Variants in SESN3 observed in about 807,000 individuals in gnomAD.
SESN3 encodes sestrin 3.
SESN3 carries 21 observed loss-of-function variants against 55.3 expected under a neutral mutation model. The ratio of observed to expected loss-of-function variants is 0.38; its 90% confidence interval spans 0.27 to 0.55. The LOEUF (loss-of-function observed/expected upper bound fraction) is 0.55, where lower values mean the gene tolerates loss of function less well. SESN3 is among the 20% of genes least tolerant of loss of function. SESN3 has a pLI of 0.76. For synonymous variants in SESN3, 181 were observed against 203.1 expected (o/e 0.89, Z 0.93); for missense variants, 408 against 604.3 (o/e 0.68, Z 3.41).
chr11:95,198,059 T>A (rs576501292), intron 1 of SESN3, among the ~76,000 whole-genome samples: 1 of 152,156 alleles, frequency 6.6e-6, no homozygotes, highest in Non-Finnish European at 1.5e-5. Context: ...TTCACAGTTA[T>A]CTTGGACTCT....
rs1859874888 is a variant in SESN3, at chr11:95,172,808, A to G, written c.*447T>C. 6.5e-6 allele frequency: 1 copy of G among 153,202 alleles called. No homozygotes were observed. Among genetic ancestry groups the G allele is most frequent in the African/African-American group, 2.4e-5 (1 of 41,366 alleles). 9.5% of individuals were successfully genotyped at this position (153,202 alleles called of 1,614,324 possible). On this transcript the variant is annotated 3_prime_UTR_variant, in exon 10 of 10. Transcript: ENST00000536441. ...TAGGACACAACATTAAAGTTTTAGA[A>G]TGGCCAGAGAGGTCACTCTTTGCTG...
intron 1 of SESN3, among the ~76,000 whole-genome samples, chr11:95,198,607 T>G (rs1860406376): frequency 1.3e-5 from 2 of 152,208 alleles, no homozygotes; most frequent in African/African-American, 4.8e-5. Flanking sequence ...ATAAATCTTA[T>G]TTATTTCTGT....
At chr11:95,184,728 C>G in intron 5 of SESN3, 134 bp from the exon 6 acceptor site, 1 of 711,934 alleles carries the variant, frequency 1.4e-6, no homozygotes, top group South Asian at 2.2e-5. Context: ...CGGTTTTTCA[C>G]CAATTTCAAA....
chr11:95,186,871 T>C (rs1860177730), intron 4 of SESN3, among the ~76,000 whole-genome samples: 1 of 151,918 alleles, frequency 6.6e-6, no homozygotes, highest in Non-Finnish European at 1.5e-5. Flanking sequence ...GCTTTACATC[T>C]GTATGTACCT....
At chr11:95,200,728 C>T (rs1216949032) in intron 1 of SESN3, among the ~76,000 whole-genome samples, 3 of 152,030 alleles carry the variant, frequency 2.0e-5, no homozygotes, top group African/African-American at 4.8e-5. Flanking sequence ...TCAAGTCCTT[C>T]CTGCAACAGT....
chr11:95,182,351 T>G (rs1860072862), intron 6 of SESN3, among the ~76,000 whole-genome samples: 1 of 152,182 alleles, frequency 6.6e-6, no homozygotes, highest in South Asian at 2.1e-4. Flanking sequence ...CAACCTCACC[T>G]CTTCTCTCTG....
intron 1 of SESN3, among the ~76,000 whole-genome samples, chr11:95,205,528 C>T (rs1288742715): frequency 2.0e-5 from 3 of 152,070 alleles, no homozygotes; most frequent in African/African-American, 4.8e-5. Context: ...GGGTTCCTCA[C>T]AGAATTCTGA....
At position 95,184,490 on chromosome 11, in the gene SESN3, A is replaced by T. The variant is rs1172266168; in HGVS notation, c.867T>A (p.Arg289=). The part of the protein sequence containing the change: ...EEASQEEMST[R]FEKEKKESLF... ...GACTTTCTTTCTTCTCCTTTTCAAA[A>T]CGAGTGCTCATTTCTTCTTGAGACG... is the stretch of plus-strand genomic sequence containing the variant. The change falls in exon 6 of 10, where the codon CGT becomes CGA. Residue 289 remains arginine (R), a synonymous_variant. Coordinates refer to ENST00000536441, the MANE Select transcript of SESN3 (RefSeq NM_144665.4). The T allele has an allele frequency of 6.2e-7, 1 of 1,613,508 alleles. No individual in the cohort carries two copies. Among genetic ancestry groups the T allele is most frequent in the Non-Finnish European group, 8.5e-7 (1 of 1,179,760 alleles).
chr11:95,185,538 G>T, intron 4 of SESN3, 46 bp from the exon 5 acceptor site: 2 of 1,201,574 alleles, frequency 1.7e-6, no homozygotes, highest in Non-Finnish European at 2.4e-6. Context: ...ATTCTAGAAT[G>T]CTACAAAGAA....
chr11:95,213,332 G>C (rs1290347519), intron 1 of SESN3, among the ~76,000 whole-genome samples: 1 of 152,162 alleles, frequency 6.6e-6, no homozygotes, highest in Non-Finnish European at 1.5e-5. Flanking sequence ...GATGAGAGCT[G>C]ATTCAATTGA....
rs1218197497 is a variant in SESN3 at position 95,209,224 on chromosome 11, GA to G, written c.79-15703del. ...ACAAGGAACTTAAACAAATGTACAA[GA>G]AAAAAACAACCTCAACAAAAAGTGG... On this transcript the variant is annotated intron_variant, in intron 1 of 9. Coordinates refer to ENST00000536441, the MANE Select transcript of SESN3 (RefSeq NM_144665.4). 2.7e-5 allele frequency among the ~76,000 whole-genome samples: 4 copies of G among 150,808 alleles called. 1 individual carries two copies. The highest frequency in any genetic ancestry group is 5.9e-5 in the Non-Finnish European group (4 of 67,612).
intron 1 of SESN3, among the ~76,000 whole-genome samples, chr11:95,199,987 A>T (rs1860432347): frequency 6.6e-6 from 1 of 152,098 alleles, no homozygotes; most frequent in Non-Finnish European, 1.5e-5. Context: ...TCTTTTTTAA[A>T]TACACTACAA....
At chr11:95,217,099 C>G (rs1860772889) in intron 1 of SESN3, among the ~76,000 whole-genome samples, 1 of 146,268 alleles carries the variant, frequency 6.8e-6, no homozygotes, top group African/African-American at 2.5e-5. Context: ...GAGCAAGACT[C>G]TGTCTCAAAA....
In SESN3 at chr11:95,171,311, C is replaced by T. The variant is rs914619170; in HGVS notation, c.*1944G>A. 7.9e-5 allele frequency: 12 copies of T among 152,070 alleles called. No individual in the cohort carries two copies. The highest frequency in any genetic ancestry group is 1.9e-4 in the East Asian group (1 of 5,200). 9.4% of individuals were successfully genotyped at this position (152,070 alleles called of 1,614,324 possible). On this transcript the variant is annotated 3_prime_UTR_variant, in exon 10 of 10. Coordinates refer to ENST00000536441, the MANE Select transcript of SESN3 (RefSeq NM_144665.4). Reference sequence around the variant, plus strand: ...CATATGGCATATGCAATAAAACAGACGAGATATGGCACAAGTTCTCTGAAT... The same window carrying T: ...CATATGGCATATGCAATAAAACAGATGAGATATGGCACAAGTTCTCTGAAT...
rs1465615750 is a variant in SESN3 at position 95,224,319 on chromosome 11, A to C, written c.78+6464T>G. 5 of 302,770 alleles carry C rather than the reference A, an allele frequency of 1.7e-5. No homozygotes were observed. In the Admixed American group the frequency reaches 1.9e-4, roughly 12 times the overall value. 18.8% of individuals were successfully genotyped at this position (302,770 alleles called of 1,614,324 possible). Reference sequence around the variant, plus strand: ...ATCCACTTGTACATTTTGCGGTTTAAATGGATTTTACCCATATATGATTCT... The same window carrying C: ...ATCCACTTGTACATTTTGCGGTTTACATGGATTTTACCCATATATGATTCT... On this transcript the variant is annotated intron_variant, in intron 1 of 9. Coordinates refer to ENST00000536441, the MANE Select transcript of SESN3 (RefSeq NM_144665.4).
intron 1 of SESN3, among the ~76,000 whole-genome samples, chr11:95,212,206 T>C (rs1236101348): frequency 6.6e-6 from 1 of 152,166 alleles, no homozygotes; most frequent in Non-Finnish European, 1.5e-5. Context: ...AGTAATGTAT[T>C]AAATTAACTG....
intron 1 of SESN3, among the ~76,000 whole-genome samples, chr11:95,226,699 A>G (rs1860953868): frequency 6.6e-6 from 1 of 152,222 alleles, no homozygotes; most frequent in Admixed American, 6.5e-5. Flanking sequence ...AAATATCTGT[A>G]CAAAGATAGC....
rs564078243 is a variant in SESN3, at chr11:95,169,326, A to AAT, written c.*3927_*3928dup. 3.5e-4 allele frequency: 54 copies of AAT among 152,316 alleles called. No homozygotes were observed. The highest frequency in any genetic ancestry group is 1.3e-3 in the African/African-American group (54 of 41,578). 9.4% of individuals were successfully genotyped at this position (152,316 alleles called of 1,614,324 possible). ...ACCTAGAATAGATTCTGATTACATA[A>AAT]ATTAGGTAACTTAAAACTCAATCTG... is the stretch of plus-strand genomic sequence containing the variant. On this transcript the variant is annotated 3_prime_UTR_variant, in exon 10 of 10. Coordinates refer to ENST00000536441, the MANE Select transcript of SESN3 (RefSeq NM_144665.4).
chr11:95,190,134 T>C (rs911709539), intron 3 of SESN3, among the ~76,000 whole-genome samples, 173 bp from the exon 4 acceptor site: 4 of 151,988 alleles, frequency 2.6e-5, no homozygotes, highest in African/African-American at 9.7e-5. Flanking sequence ...ATTCAATACA[T>C]GAAGCTGATA....
Sources: allele counts gnomAD v4.1 joint callset (sites outside exome capture counted in the v4.1 genomes callset), GRCh38; gene constraint gnomAD v4.1.1; transcripts MANE v1.5; gene names NCBI Gene and HGNC (gene_info 2026-07-23, HGNC 2026-07-21).